The following PTPRK variants were observed in gnomAD, a reference collection of about 807,000 sequenced individuals.
The protein encoded by PTPRK is protein tyrosine phosphatase receptor type K.
Under a neutral mutation model 178.0 loss-of-function variants are expected in PTPRK, and 75 were observed. The observed-to-expected ratio is 0.42, with a 90% CI of 0.35 to 0.51. The LOEUF (loss-of-function observed/expected upper bound fraction) is 0.51, where lower values mean the gene tolerates loss of function less well. Ranked by LOEUF, PTPRK falls within the 20% of genes least tolerant of loss-of-function variation. PTPRK has a pLI of 0.02. For missense variants in PTPRK, 1,441 were observed against 1,797.8 expected (o/e 0.80, Z 3.59); for synonymous variants, 637 against 620.6 (o/e 1.03, Z -0.39).
chr6:128,341,410 A>T (rs966555259), intron 2 of PTPRK, among the ~76,000 whole-genome samples: 1 of 152,216 alleles, frequency 6.6e-6, no homozygotes, highest in Non-Finnish European at 1.5e-5. Flanking sequence ...AGACTCAAAC[A>T]GAATTTGTCA....
intron 2 of PTPRK, among the ~76,000 whole-genome samples, chr6:128,337,182 A>G (rs1446334573): frequency 6.6e-6 from 1 of 152,122 alleles, no homozygotes; most frequent in Non-Finnish European, 1.5e-5. Context: ...AAACAAATTT[A>G]CATTGCCCAC....
chr6:128,464,600 A>AATATATATATACAC (rs1849500070), intron 1 of PTPRK, among the ~76,000 whole-genome samples: 1 of 118,652 alleles, frequency 8.4e-6, no homozygotes, highest in Non-Finnish European at 1.8e-5. Flanking sequence ...TTTTAGTTTA[A>AATATATATATACAC]ATATATATAT....
chr6:128,134,212 TG>T (rs1386844445), intron 7 of PTPRK, among the ~76,000 whole-genome samples: 9 of 152,180 alleles, frequency 5.9e-5, no homozygotes, highest in Non-Finnish European at 8.8e-5. Context: ...TCTTAGGACA[TG>T]CGCATATTTA....
chr6:128,383,955 C>T (rs1374820508), intron 2 of PTPRK, among the ~76,000 whole-genome samples: 1 of 152,034 alleles, frequency 6.6e-6, no homozygotes, highest in East Asian at 1.9e-4. Flanking sequence ...TAAAGTAAAG[C>T]AATATACTAG....
In PTPRK at chr6:128,126,712, C is replaced by T. The variant is rs115198301; in HGVS notation, c.1163-36720G>A. On this transcript the variant is annotated intron_variant, in intron 7 of 29. Transcript: ENST00000368226. ...TTATATTGCCCAAGCTGGTCTCAAA[C>T]TTCTGGGCTCAAGCAACGCTCCCAT... is the stretch of plus-strand genomic sequence containing the variant. Among the ~76,000 whole-genome samples the T allele has an allele frequency of 8.7e-3, 1,323 of 152,304 alleles. 24 individuals are homozygous for T. The highest frequency in any genetic ancestry group is 0.03 in the African/African-American group (1,267 of 41,562).
intron 7 of PTPRK, among the ~76,000 whole-genome samples, chr6:128,091,621 T>G (rs1582963088): frequency 6.6e-6 from 1 of 152,194 alleles, no homozygotes; most frequent in Non-Finnish European, 1.5e-5. Context: ...TGAAAATACC[T>G]AGAGTATATG....
chr6:128,294,546 T>C (rs1032629055), intron 3 of PTPRK, among the ~76,000 whole-genome samples: 4 of 152,082 alleles, frequency 2.6e-5, no homozygotes, highest in African/African-American at 7.2e-5. Flanking sequence ...TTTACTTGCA[T>C]TTTTCATACT....
intron 21 of PTPRK, among the ~76,000 whole-genome samples, chr6:127,990,028 T>C (rs1776423957): frequency 6.6e-6 from 1 of 152,136 alleles, no homozygotes; most frequent in Non-Finnish European, 1.5e-5. Context: ...CACCTTACGT[T>C]ATTCTTTGCA....
intron 7 of PTPRK, among the ~76,000 whole-genome samples, chr6:128,119,966 T>G: frequency 6.6e-6 from 1 of 151,948 alleles, no homozygotes. Context: ...GTATTAAAAA[T>G]AAGGTTAAAT....
At chr6:128,508,989 T>A (rs961775699) in intron 1 of PTPRK, among the ~76,000 whole-genome samples, 2 of 151,758 alleles carry the variant, frequency 1.3e-5, no homozygotes, top group African/African-American at 2.4e-5. Flanking sequence ...ACGAAAAAAT[T>A]TCATAAATAA....
chr6:128,202,734 C>T (rs192459404), intron 6 of PTPRK, among the ~76,000 whole-genome samples: 175 of 152,260 alleles, frequency 1.1e-3, no homozygotes, highest in African/African-American at 3.8e-3. Context: ...AGACCAATGA[C>T]AAATTCTGAA....
At chr6:128,134,292 G>T (rs577757629) in intron 7 of PTPRK, among the ~76,000 whole-genome samples, 9 of 152,168 alleles carry the variant, frequency 5.9e-5, no homozygotes, top group African/African-American at 2.2e-4. Context: ...CGTATTTTTT[G>T]AATTCTACTG....
At chr6:128,265,206 C>T (rs1009599683) in intron 3 of PTPRK, among the ~76,000 whole-genome samples, 4 of 152,048 alleles carry the variant, frequency 2.6e-5, no homozygotes, top group South Asian at 2.1e-4. Context: ...CACAATTACC[C>T]GATATACCTT....
At chr6:128,189,639 G>C (rs1450160157) in intron 6 of PTPRK, among the ~76,000 whole-genome samples, 1 of 152,114 alleles carries the variant, frequency 6.6e-6, no homozygotes, top group Non-Finnish European at 1.5e-5. Context: ...TTCAACACTA[G>C]AATGTTTGCC....
At chr6:127,981,370 G>T in intron 24 of PTPRK, 81 bp from the exon 25 acceptor site, 1 of 1,256,206 alleles carries the variant, frequency 8.0e-7, no homozygotes, top group South Asian at 1.5e-5. Context: ...GAATTTAGAA[G>T]GCCAAGTAGA....
intron 1 of PTPRK, among the ~76,000 whole-genome samples, chr6:128,510,421 AATATCCCATGTTGCTCAG>A (rs1289857203): frequency 6.6e-6 from 1 of 152,196 alleles, no homozygotes; most frequent in Non-Finnish European, 1.5e-5. Flanking sequence ...AACTCTTCCT[AATATCCCATGTTGCTCAG>A]ATATACATAA....
At chr6:128,251,679 C>T (rs11753971) in intron 3 of PTPRK, among the ~76,000 whole-genome samples, 12,935 of 152,206 alleles carry the variant, frequency 0.085, 703 homozygotes, top group Non-Finnish European at 0.12. Flanking sequence ...CATATATCTA[C>T]GCACACATAC....
chr6:128,338,635 G>A (rs1160084098), intron 2 of PTPRK, among the ~76,000 whole-genome samples: 1 of 150,440 alleles, frequency 6.6e-6, no homozygotes, highest in African/African-American at 2.5e-5. Flanking sequence ...CTCAGGCTAG[G>A]TCCTGTGCTT....
intron 2 of PTPRK, among the ~76,000 whole-genome samples, chr6:128,394,746 T>G (rs535978859): frequency 2.0e-5 from 3 of 152,310 alleles, no homozygotes; most frequent in African/African-American, 7.2e-5. Flanking sequence ...ACAGAACATT[T>G]TAAGCAATGA....
Sources: allele counts gnomAD v4.1 joint callset (sites outside exome capture counted in the v4.1 genomes callset), GRCh38; gene constraint gnomAD v4.1.1; transcripts MANE v1.5; gene names NCBI Gene and HGNC (gene_info 2026-07-23, HGNC 2026-07-21).